The following STK3 variants were observed in gnomAD, a reference collection of about 807,000 sequenced individuals.
STK3 encodes the protein serine/threonine kinase 3.
Under a neutral mutation model 58.0 loss-of-function variants are expected in STK3, and 41 were observed. That is an observed-to-expected ratio of 0.71 (90% CI 0.55 to 0.92). The LOEUF (loss-of-function observed/expected upper bound fraction) is 0.92, where lower values mean the gene tolerates loss of function less well. Ranked by LOEUF, STK3 falls within the 40% of genes least tolerant of loss-of-function variation. STK3 has a pLI of 0.00. For synonymous variants in STK3, 170 were observed against 191.0 expected (o/e 0.89, Z 0.91); for missense variants, 479 against 602.7 (o/e 0.79, Z 2.15).
At chr8:98,843,987 G>T (rs538293764) in intron 3 of STK3, among the ~76,000 whole-genome samples, 1 of 152,266 alleles carries the variant, frequency 6.6e-6, no homozygotes, top group East Asian at 1.9e-4. Context: ...AAATGGGACT[G>T]CGTCTCTTAG....
chr8:98,355,437 T>C, the STK3 span, among the ~76,000 whole-genome samples: 87 of 152,350 alleles, frequency 5.7e-4, no homozygotes, highest in African/African-American at 1.9e-3. Flanking sequence ...CTGAGAGTGA[T>C]ACTGGCTCTG....
intron 3 of STK3, among the ~76,000 whole-genome samples, chr8:98,870,443 G>C (rs1218322794): frequency 6.6e-6 from 1 of 152,164 alleles, no homozygotes; most frequent in Non-Finnish European, 1.5e-5. Context: ...GGTTGAACTA[G>C]TTTACACTCC....
Position 98,767,439 on chromosome 8 carries a change from T to A in STK3, c.108-68A>T, listed in dbSNP as rs889414102. 3.5e-6 allele frequency: 5 copies of A among 1,413,294 alleles called. No individual in the cohort carries two copies. The South Asian group carries it at 7.1e-5, about 20-fold the overall frequency. 87.5% of individuals were successfully genotyped at this position (1,413,294 alleles called of 1,614,324 possible). On this transcript the variant is annotated intron_variant, in intron 2 of 10. Coordinates refer to ENST00000419617, the MANE Select transcript of STK3 (RefSeq NM_006281.4). ...TAACTATAAGATTAAAAGTCTACTA[T>A]GAGTTTTCTGTGGATAGTCTTTTCT...
chr8:98,790,282 T>C (rs1832727614), intron 1 of STK3, among the ~76,000 whole-genome samples: 1 of 152,124 alleles, frequency 6.6e-6, no homozygotes, highest in Non-Finnish European at 1.5e-5. Flanking sequence ...CTTAACAAAA[T>C]ACTAGCTAAC....
At chr8:98,749,822 T>A (rs1443727261) in intron 3 of STK3, among the ~76,000 whole-genome samples, 1 of 152,148 alleles carries the variant, frequency 6.6e-6, no homozygotes, top group Admixed American at 6.6e-5. Flanking sequence ...TTTTCTTTCA[T>A]TCTGGCTTTT....
rs151169222 is a variant in STK3, at chr8:98,525,441, A to G, written c.1317+1301T>C. On this transcript the variant is annotated intron_variant, in intron 10 of 10. Transcript: ENST00000419617. ...TTAAATTTATGCCAAAAAAAAAAAA[A>G]AGATTTATTCCAACTGACACAAGAC... Among the ~76,000 whole-genome samples the G allele has an allele frequency of 4.2e-3, 642 of 152,232 alleles. 8 individuals carry two copies. The highest frequency in any genetic ancestry group is 0.014 in the African/African-American group (600 of 41,552).
chr8:98,461,480 T>A (rs2131167678), intron 10 of STK3, among the ~76,000 whole-genome samples: 1 of 152,358 alleles, frequency 6.6e-6, no homozygotes, highest in Middle Eastern at 3.4e-3. Flanking sequence ...ACCATTTACA[T>A]TCAACATTAA....
intron 1 of STK3, among the ~76,000 whole-genome samples, chr8:98,784,832 G>C (rs1832357662): frequency 6.6e-6 from 1 of 151,070 alleles, no homozygotes; most frequent in Admixed American, 6.6e-5. Context: ...TTCTGTGCAG[G>C]GGGGCCCTCT....
At chr8:98,396,684 T>C (rs1042776350), downstream of STK3, among the ~76,000 whole-genome samples, 5 of 152,208 alleles carry the variant, frequency 3.3e-5, no homozygotes, top group African/African-American at 1.2e-4. Context: ...AGGTCCAGAC[T>C]CAAACTCCCA....
At chr8:98,898,102 A>C (rs767862780) in intron 1 of STK3, among the ~76,000 whole-genome samples, 43 of 152,326 alleles carry the variant, frequency 2.8e-4, no homozygotes, top group Non-Finnish European at 4.7e-4. Flanking sequence ...CTAGGAGAAG[A>C]AGCACTCAGA....
intron 9 of STK3, among the ~76,000 whole-genome samples, chr8:98,528,392 C>T (rs562259070): frequency 6.6e-6 from 1 of 152,210 alleles, no homozygotes; most frequent in South Asian, 2.1e-4. Context: ...AAATTGGATC[C>T]TTAAAGCCCC....
chr8:98,469,344 A>C (rs1462472122), intron 10 of STK3, among the ~76,000 whole-genome samples: 2 of 152,166 alleles, frequency 1.3e-5, no homozygotes, highest in African/African-American at 4.8e-5. Flanking sequence ...ACATGGCATC[A>C]AAATTTTATC....
intron 3 of STK3, among the ~76,000 whole-genome samples, chr8:98,833,535 T>C (rs996272678): frequency 6.6e-6 from 1 of 152,166 alleles, no homozygotes; most frequent in Admixed American, 6.5e-5. Context: ...TGCAGGGCCA[T>C]TCCAAAATAT....
intron 3 of STK3, among the ~76,000 whole-genome samples, chr8:98,424,190 G>A (rs950647557): frequency 6.6e-6 from 1 of 152,254 alleles, no homozygotes; most frequent in Non-Finnish European, 1.5e-5. Context: ...GACCCACAGA[G>A]CTTCTGTCTC....
chr8:98,670,408 C>G (rs1012739969), intron 6 of STK3, among the ~76,000 whole-genome samples: 10 of 152,044 alleles, frequency 6.6e-5, no homozygotes, highest in Non-Finnish European at 1.5e-4. Flanking sequence ...GAAAGAAGTA[C>G]TGACACATGA....
chr8:98,394,517 GA>G (rs1389588579), intron 3 of STK3, among the ~76,000 whole-genome samples: 1 of 151,768 alleles, frequency 6.6e-6, no homozygotes, highest in East Asian at 1.9e-4. Context: ...CCCATCTCTA[GA>G]AAAAAACAAA....
rs189181102 is a variant in STK3, at chr8:98,480,772, T to G, written c.1318-24772A>C. On this transcript the variant is annotated intron_variant, in intron 10 of 10. Coordinates refer to ENST00000419617, the MANE Select transcript of STK3 (RefSeq NM_006281.4). ...CCCTCCCAGTGAAATCAAACAAAAT[T>G]AATAATAGTCTACTACATCAGAGGG... is the stretch of plus-strand genomic sequence containing the variant. Among the ~76,000 whole-genome samples, 221 of 152,252 alleles carry G rather than the reference T, an allele frequency of 1.5e-3. 1 individual carries two copies. Among genetic ancestry groups the G allele is most frequent in the African/African-American group, 5.2e-3 (216 of 41,532 alleles).
intron 4 of STK3, among the ~76,000 whole-genome samples, chr8:98,714,183 G>C (rs1161187751): frequency 6.6e-6 from 1 of 152,128 alleles, no homozygotes; most frequent in African/African-American, 2.4e-5. Context: ...ATACTGAATG[G>C]GCAAAAACTG....
At chr8:98,836,956 C>T (rs1051604024) in intron 3 of STK3, among the ~76,000 whole-genome samples, 10 of 152,124 alleles carry the variant, frequency 6.6e-5, no homozygotes, top group African/African-American at 2.4e-4. Flanking sequence ...CATTAGGCAT[C>T]AGATCAATGA....
Sources: allele counts gnomAD v4.1 joint callset (sites outside exome capture counted in the v4.1 genomes callset), GRCh38; gene constraint gnomAD v4.1.1; transcripts MANE v1.5; gene names NCBI Gene and HGNC (gene_info 2026-07-23, HGNC 2026-07-21).